MSL3B: variants seen among roughly 807,000 people sequenced by gnomAD.
MSL3B encodes MSL complex subunit 3B.
the MSL3B span, among the ~76,000 whole-genome samples, chr2:233,867,702 T>G: frequency 1.4e-3 from 218 of 151,556 alleles, 1 homozygote; most frequent in South Asian, 0.01. Context: ...GGTCTCAAAC[T>G]CCTGACCTCA....
the MSL3B span, chr2:233,868,193 C>T: frequency 1.4e-3 from 629 of 456,508 alleles, 2 homozygotes; most frequent in African/African-American, 0.012. Context: ...TGGGATCTTT[C>T]TGCCTTTTTC....
the MSL3B span, chr2:233,866,742 A>G: frequency 2.5e-6 from 2 of 798,028 alleles, no homozygotes; most frequent in Non-Finnish European, 4.6e-6. Flanking sequence ...TGCGGCCTGG[A>G]TGGATTCAAC....
chr2:233,868,149 T>C, the MSL3B span: 8 of 401,938 alleles, frequency 2.0e-5, no homozygotes, highest in African/African-American at 1.5e-4. Context: ...CTATCCCAGC[T>C]TCAGTTCCAA....
the MSL3B span, among the ~76,000 whole-genome samples, chr2:233,867,690 C>T: frequency 2.6e-5 from 4 of 151,504 alleles, no homozygotes; most frequent in Admixed American, 1.3e-4. Flanking sequence ...GTTGGCCAGG[C>T]GGGTCTCAAA....
chr2:233,868,328 G>A, the MSL3B span: 2 of 198,716 alleles, frequency 1.0e-5, no homozygotes, highest in African/African-American at 4.7e-5. Flanking sequence ...GAAACCCACC[G>A]TAGTTAAAAG....
At chr2:233,864,810 G>C in the MSL3B span, among the ~76,000 whole-genome samples, 1 of 152,154 alleles carries the variant, frequency 6.6e-6, no homozygotes, top group African/African-American at 2.4e-5. Context: ...CTCACACTTA[G>C]AGCACGTCTC....
chr2:233,867,098 T>C, the MSL3B span: 1 of 1,045,538 alleles, frequency 9.6e-7, no homozygotes, highest in South Asian at 1.3e-5. Flanking sequence ...GCATGGAAGT[T>C]GCACTAACCG....
the MSL3B span, chr2:233,866,010 A>T: frequency 2.6e-6 from 1 of 381,632 alleles, no homozygotes; most frequent in Non-Finnish European, 5.0e-6. Context: ...CCTCTGTCAA[A>T]GCCCCCTGGT....
chr2:233,866,489 G>A, the MSL3B span: 1 of 1,258,390 alleles, frequency 7.9e-7, no homozygotes, highest in Non-Finnish European at 1.2e-6. Flanking sequence ...AGGAGTCAGA[G>A]TAGGTGAAGA....
At chr2:233,868,257 C>A in the MSL3B span, 1 of 375,854 alleles carries the variant, frequency 2.7e-6, no homozygotes, top group Non-Finnish European at 5.5e-6. Context: ...CCGACGGGAG[C>A]GTCCCACGGG....
chr2:233,867,669 G>C, the MSL3B span, among the ~76,000 whole-genome samples: 1 of 151,572 alleles, frequency 6.6e-6, no homozygotes, highest in Non-Finnish European at 1.5e-5. Context: ...GCAGAGACGG[G>C]GTTTCACCAT....
chr2:233,865,836 A>C, the MSL3B span: 1 of 255,694 alleles, frequency 3.9e-6, no homozygotes, highest in Non-Finnish European at 7.6e-6. Flanking sequence ...GGCCTAACCT[A>C]TGTACACTTC....
chr2:233,867,797 T>C, the MSL3B span, among the ~76,000 whole-genome samples: 1 of 124,298 alleles, frequency 8.0e-6, no homozygotes, highest in Non-Finnish European at 1.9e-5. Flanking sequence ...CGATTTTTTT[T>C]TTTTTTTTTT....
chr2:233,867,004 A>G, the MSL3B span: 1 of 1,291,940 alleles, frequency 7.7e-7, no homozygotes, highest in African/African-American at 1.5e-5. Context: ...CGTGATGGTG[A>G]CGAGGCCTCT....
the MSL3B span, chr2:233,866,851 C>A: frequency 2.4e-6 from 3 of 1,237,690 alleles, no homozygotes; most frequent in Admixed American, 3.4e-5. Flanking sequence ...CCTTTTTATA[C>A]TGAGCTTGTT....
chr2:233,866,545 CT>C, the MSL3B span: 4 of 998,280 alleles, frequency 4.0e-6, no homozygotes, highest in South Asian at 2.5e-5. Context: ...GCAGGAACAG[CT>C]TGGGCACACT....
At chr2:233,868,095 G>A in the MSL3B span, 2 of 311,372 alleles carry the variant, frequency 6.4e-6, no homozygotes, top group Admixed American at 6.6e-5. Context: ...GCCAATCTAC[G>A]ATTTTCACTG....
chr2:233,868,207 T>C, the MSL3B span: 1 of 455,328 alleles, frequency 2.2e-6, no homozygotes, highest in Non-Finnish European at 4.5e-6. Context: ...CTTTTTCGCC[T>C]TTCCCAACAA....
the MSL3B span, among the ~76,000 whole-genome samples, chr2:233,867,936 G>A: frequency 2.3e-4 from 35 of 151,358 alleles, no homozygotes; most frequent in African/African-American, 8.3e-4. Context: ...GATTACAGGC[G>A]CCCGCCACCA....
Sources: gnomAD v4.1 joint callset for allele counts (sites outside exome capture counted in the v4.1 genomes callset) on GRCh38, gnomAD v4.1.1 for gene constraint, MANE v1.5 for transcripts, NCBI Gene and HGNC (gene_info 2026-07-23, HGNC 2026-07-21) for gene names.